RNF41: variants seen among roughly 807,000 people sequenced by gnomAD.
The protein encoded by RNF41 is E3 ubiquitin-protein ligase NRDP1.
A neutral mutation model predicts 33.0 loss-of-function variants in RNF41; 4 were observed. The ratio of observed to expected loss-of-function variants is 0.12; its 90% CI spans 0.06 to 0.28. The LOEUF is 0.28. Among genes scored for constraint, RNF41 ranks in the 10% least tolerant of loss-of-function variants. The pLI is 1.00. For missense variants in RNF41, 228 were observed against 432.6 expected (o/e 0.53, Z 4.19); for synonymous variants, 164 against 153.2 (o/e 1.07, Z -0.52).
At chr12:56,216,883 G>C (rs1199402424) in intron 1 of RNF41, among the ~76,000 whole-genome samples, 1 of 152,218 alleles carries the variant, frequency 6.6e-6, no homozygotes, top group Non-Finnish European at 1.5e-5. Flanking sequence ...GCTCACGCCT[G>C]TAATCCCAGC....
At chr12:56,215,457 A>C (rs1245392253) in intron 2 of RNF41, among the ~76,000 whole-genome samples, 1 of 152,086 alleles carries the variant, frequency 6.6e-6, no homozygotes, top group African/African-American at 2.4e-5. Context: ...ATGGTGGCTC[A>C]TGCCTGTAAT....
chr12:56,210,230 C>A, intron 4 of RNF41, 67 bp downstream of exon 4: 1 of 1,556,258 alleles, frequency 6.4e-7, no homozygotes, highest in Non-Finnish European at 8.8e-7. Flanking sequence ...GTGAGGAGGG[C>A]AGCCAGAGAC....
chr12:56,210,901 C>A (rs1938946201), intron 3 of RNF41, among the ~76,000 whole-genome samples: 1 of 152,068 alleles, frequency 6.6e-6, no homozygotes, highest in Admixed American at 6.5e-5. Context: ...ATTAGCCGGG[C>A]ATAGGCCGGG....
chr12:56,217,502 C>T (rs558156751), intron 1 of RNF41, among the ~76,000 whole-genome samples: 2 of 152,026 alleles, frequency 1.3e-5, no homozygotes, highest in African/African-American at 2.4e-5. Context: ...GAGCCAAGAT[C>T]GCGCCACTGC....
At chr12:56,217,059 GA>G (rs1219506507) in intron 1 of RNF41, among the ~76,000 whole-genome samples, 4 of 151,040 alleles carry the variant, frequency 2.6e-5, no homozygotes, top group Non-Finnish European at 4.4e-5. Context: ...AGAATGGCGT[GA>G]ACCTAGGAGC....
chr12:56,210,020 G>A (rs1868369438), intron 4 of RNF41: 1 of 454,910 alleles, frequency 2.2e-6, no homozygotes, highest in East Asian at 3.7e-5. Context: ...AAGTAGTATT[G>A]GACTGAAAGG....
At chr12:56,217,547 CA>C (rs201418198) in intron 1 of RNF41, among the ~76,000 whole-genome samples, 1 of 148,676 alleles carries the variant, frequency 6.7e-6, no homozygotes, top group Non-Finnish European at 1.5e-5. Context: ...GACTCTGACT[CA>C]AAAAAAAAGC....
rs1360654794 is a variant in RNF41, at chr12:56,203,087, A to C, written c.*3360T>G. 2 of 149,472 alleles carry C rather than the reference A, an allele frequency of 1.3e-5. No homozygotes were observed. The highest frequency in any genetic ancestry group is 2.5e-5 in the African/African-American group (1 of 40,596). 9.3% of individuals were successfully genotyped at this position (149,472 alleles called of 1,614,324 possible). On this transcript the variant is annotated 3_prime_UTR_variant, in exon 7 of 7. Coordinates refer to ENST00000345093, the MANE Select transcript of RNF41 (RefSeq NM_005785.4). ...TTTTTTTTTTTTTTCAAGCCACTAGAGTATCAAGAGTACTATTAGGTTTAC... is the reference window on the plus strand; with the variant it reads ...TTTTTTTTTTTTTTCAAGCCACTAGCGTATCAAGAGTACTATTAGGTTTAC...
intron 5 of RNF41, among the ~76,000 whole-genome samples, 195 bp downstream of exon 5, chr12:56,207,968 T>C (rs1391076430): frequency 1.3e-5 from 2 of 152,214 alleles, no homozygotes; most frequent in Non-Finnish European, 2.9e-5. Context: ...GGTGAATTAA[T>C]GCTATGAATG....
intron 4 of RNF41, 28 bp downstream of exon 4, chr12:56,210,269 A>C: frequency 6.2e-7 from 1 of 1,603,340 alleles, no homozygotes. Context: ...GCCCTTATCC[A>C]TGTGGGGCAG....
intron 2 of RNF41, among the ~76,000 whole-genome samples, chr12:56,214,390 C>A (rs560704552): frequency 1.3e-5 from 2 of 149,774 alleles, no homozygotes; most frequent in Non-Finnish European, 3.0e-5. Context: ...GTGTGGTATG[C>A]GCATCTGTAA....
At chr12:56,207,037 GA>G (rs1184353860) in intron 6 of RNF41, 1 of 1,258,864 alleles carries the variant, frequency 7.9e-7, no homozygotes, top group Non-Finnish European at 1.1e-6. Context: ...ACTTTTCTTT[GA>G]AATTCCAATA....
At chr12:56,212,935 C>T (rs1565943608) in intron 3 of RNF41, 1 of 1,167,018 alleles carries the variant, frequency 8.6e-7, no homozygotes, top group Non-Finnish European at 1.1e-6. Flanking sequence ...CAATAAGGAT[C>T]CTGGAGGATG....
At chr12:56,210,233 C>A in intron 4 of RNF41, 64 bp downstream of exon 4, 2 of 1,566,974 alleles carry the variant, frequency 1.3e-6, no homozygotes, top group Non-Finnish European at 8.7e-7. Context: ...AGGAGGGCAG[C>A]CAGAGACAGG....
In RNF41 at chr12:56,205,310, CG is replaced by C. The variant is rs1592346514; in HGVS notation, c.*1136del. The C allele has an allele frequency of 6.6e-6, 1 of 152,228 alleles. No homozygotes were observed. The highest frequency in any genetic ancestry group is 1.9e-4 in the East Asian group (1 of 5,184). The allele number at this position is 152,228 out of a possible 1,614,324, so 9.4% of individuals were successfully genotyped here. Reference sequence around the variant, plus strand: ...GGTTACAGAGGTTTGGGGCAGATATCGTAAGTTCAGCCGAGGACTCCCTTGG... The same window carrying C: ...GGTTACAGAGGTTTGGGGCAGATATCTAAGTTCAGCCGAGGACTCCCTTGG... On this transcript the variant is annotated 3_prime_UTR_variant, in exon 7 of 7. Coordinates refer to ENST00000345093, the MANE Select transcript of RNF41 (RefSeq NM_005785.4).
At chr12:56,219,666 T>TACACACACAC (rs1565947290) in intron 1 of RNF41, among the ~76,000 whole-genome samples, 1 of 9,948 alleles carries the variant, frequency 1.0e-4, no homozygotes, top group African/African-American at 1.2e-4. Context: ...TATATATGTG[T>TACACACACAC]ATATACACGC....
intron 6 of RNF41, chr12:56,207,208 A>C: frequency 7.5e-7 from 1 of 1,328,974 alleles, no homozygotes; most frequent in East Asian, 4.9e-5. Context: ...GAACTGAAAG[A>C]GATCTTAGAC....
At chr12:56,218,286 G>T (rs1346355080) in intron 1 of RNF41, among the ~76,000 whole-genome samples, 3 of 151,740 alleles carry the variant, frequency 2.0e-5, no homozygotes, top group African/African-American at 7.3e-5. Context: ...TTGAGATAGG[G>T]TCTTGCTCTA....
Position 56,213,973 on chromosome 12 carries a change from C to T in RNF41, c.75G>A (p.Leu25=), listed in dbSNP as rs1410792300. 3 of 1,613,576 alleles carry T rather than the reference C, an allele frequency of 1.9e-6. No homozygotes were observed. Among genetic ancestry groups the T allele is most frequent in the Non-Finnish European group, 2.5e-6 (3 of 1,179,528 alleles). The change falls in exon 3 of 7, where the codon TTG becomes TTA. Residue 25 remains leucine (L), a synonymous_variant. Coordinates refer to ENST00000345093, the MANE Select transcript of RNF41 (RefSeq NM_005785.4). ...ACCAACTCACCTGTACTGGCTCCTC[C>T]AAGACTCCACTGCAAATAGGGCAGA... is the stretch of plus-strand genomic sequence containing the variant. The part of the protein sequence containing the change: ...DLICPICSGV[L]EEPVQAPHCE...
Sources: allele counts gnomAD v4.1 joint callset (sites outside exome capture counted in the v4.1 genomes callset), GRCh38; gene constraint gnomAD v4.1.1; transcripts MANE v1.5; gene names NCBI Gene and HGNC (gene_info 2026-07-23, HGNC 2026-07-21).